GRIN2B: variants seen among roughly 807,000 people sequenced by gnomAD.
GRIN2B encodes the protein glutamate ionotropic receptor NMDA type subunit 2B, also known as glutamate receptor ionotropic, NMDA 2B.
GRIN2B carries 5 observed loss-of-function variants against 114.5 expected under a neutral mutation model. That is an observed-to-expected ratio of 0.04 (90% CI 0.02 to 0.09). The LOEUF (loss-of-function observed/expected upper bound fraction) is 0.09, where lower values mean the gene tolerates loss of function less well. GRIN2B is among the 10% of genes least tolerant of loss of function. The pLI is 1.00. For missense variants in GRIN2B, 1,108 were observed against 1,943.5 expected (o/e 0.57, Z 8.08); for synonymous variants, 787 against 745.1 (o/e 1.06, Z -0.92).
At chr12:13,938,406 C>T (rs796281123) in intron 2 of GRIN2B, among the ~76,000 whole-genome samples, 7 of 152,226 alleles carry the variant, frequency 4.6e-5, no homozygotes, top group African/African-American at 1.7e-4. Flanking sequence ...CATGATCCAG[C>T]AATTCTACTT....
chr12:13,568,734 C>T (rs1209375037), intron 12 of GRIN2B, among the ~76,000 whole-genome samples: 1 of 152,202 alleles, frequency 6.6e-6, no homozygotes, highest in Non-Finnish European at 1.5e-5. Context: ...GCTGCTCATC[C>T]ACAACTGAGT....
intron 4 of GRIN2B, among the ~76,000 whole-genome samples, chr12:13,741,278 C>G (rs1271354827): frequency 6.6e-6 from 1 of 152,140 alleles, no homozygotes; most frequent in African/African-American, 2.4e-5. Flanking sequence ...GATCCACCCA[C>G]CTTGGCCTTC....
chr12:13,876,165 A>G (rs1865988178), intron 2 of GRIN2B, among the ~76,000 whole-genome samples: 1 of 152,232 alleles, frequency 6.6e-6, no homozygotes, highest in Non-Finnish European at 1.5e-5. Context: ...CCTAAAGTCA[A>G]AAAGAGCTAG....
chr12:13,765,760 A>G (rs906830275), intron 3 of GRIN2B, among the ~76,000 whole-genome samples: 19 of 152,216 alleles, frequency 1.2e-4, no homozygotes, highest in Non-Finnish European at 2.2e-4. Context: ...ACCAACAGAG[A>G]AAGTGAGCTT....
At chr12:13,921,958 C>T (rs930242906) in intron 2 of GRIN2B, among the ~76,000 whole-genome samples, 2 of 152,120 alleles carry the variant, frequency 1.3e-5, no homozygotes, top group Non-Finnish European at 2.9e-5. Flanking sequence ...AAATATGCAA[C>T]CTTGACCAAG....
chr12:13,926,016 G>A (rs1866905116), intron 2 of GRIN2B, among the ~76,000 whole-genome samples: 1 of 152,138 alleles, frequency 6.6e-6, no homozygotes, highest in Non-Finnish European at 1.5e-5. Flanking sequence ...AATCAGAGGA[G>A]GCAATGGAAC....
At chr12:13,746,055 A>T (rs551932918) in intron 4 of GRIN2B, among the ~76,000 whole-genome samples, 1 of 151,440 alleles carries the variant, frequency 6.6e-6, no homozygotes, top group Non-Finnish European at 1.5e-5. Context: ...TAATTTATAC[A>T]GTATATCAGA....
rs1484887891 is a variant in GRIN2B at position 13,538,807 on chromosome 12, C to T, written c.*23976G>A. On this transcript the variant is annotated 3_prime_UTR_variant, in exon 14 of 14. Transcript: ENST00000609686. ...TCCAGCCTGGATGACAGAGCAAGAC[C>T]CTCTTAAAAAACAAACAAACAAAAA... The T allele has an allele frequency of 6.6e-6, 1 of 151,178 alleles. No homozygotes were observed. Among genetic ancestry groups the T allele is most frequent in the Non-Finnish European group, 1.5e-5 (1 of 67,786 alleles). 9.4% of individuals were successfully genotyped at this position (151,178 alleles called of 1,614,324 possible).
intron 3 of GRIN2B, among the ~76,000 whole-genome samples, chr12:13,806,683 G>T (rs949605307): frequency 2.6e-5 from 4 of 152,024 alleles, no homozygotes; most frequent in African/African-American, 9.7e-5. Flanking sequence ...TCTTCACTCT[G>T]TTGCTTGTTT....
intron 3 of GRIN2B, among the ~76,000 whole-genome samples, chr12:13,784,397 G>T (rs1463281223): frequency 6.6e-6 from 1 of 152,026 alleles, no homozygotes; most frequent in Non-Finnish European, 1.5e-5. Flanking sequence ...GGGCACAATA[G>T]CTCAATTTGA....
chr12:13,890,163 G>A (rs373703221), intron 2 of GRIN2B, among the ~76,000 whole-genome samples: 34 of 152,306 alleles, frequency 2.2e-4, no homozygotes, highest in African/African-American at 6.0e-4. Context: ...CATTCAGGAC[G>A]TTGTTTCAAC....
At chr12:13,713,871 G>C (rs944953532) in intron 4 of GRIN2B, among the ~76,000 whole-genome samples, 9 of 151,798 alleles carry the variant, frequency 5.9e-5, no homozygotes, top group African/African-American at 2.2e-4. Flanking sequence ...ACAATGCAGA[G>C]TGTTTAAGAT....
At chr12:13,616,700 A>G (rs199524594) in intron 5 of GRIN2B, 43 bp from the exon 6 acceptor site, 6 of 1,437,066 alleles carry the variant, frequency 4.2e-6, no homozygotes, top group African/African-American at 1.4e-5. Flanking sequence ...ACTGGCCACA[A>G]CATAACAAAC....
chr12:13,859,493 C>T (rs1261053055), intron 3 of GRIN2B, among the ~76,000 whole-genome samples: 2 of 152,210 alleles, frequency 1.3e-5, no homozygotes, highest in African/African-American at 4.8e-5. Context: ...AGCTACATCA[C>T]TACAAAGTTT....
chr12:13,806,257 G>C (rs1375870624), intron 3 of GRIN2B, among the ~76,000 whole-genome samples: 3 of 152,012 alleles, frequency 2.0e-5, no homozygotes, highest in Non-Finnish European at 2.9e-5. Context: ...GGATTGCTGG[G>C]GTCATTTGGT....
At chr12:13,976,521 A>G (rs948616246) in intron 2 of GRIN2B, among the ~76,000 whole-genome samples, 1 of 152,186 alleles carries the variant, frequency 6.6e-6, no homozygotes, top group African/African-American at 2.4e-5. Context: ...AATATTAAAG[A>G]CACAAGACTA....
rs555721063 is a variant in GRIN2B at position 13,552,396 on chromosome 12, T to A, written c.*10387A>T. Reference sequence around the variant, plus strand: ...AGCCAGTAACCAAGGGGGAACCATGTGCCTCACATGTCAGCTTCTGGCTTT... The same window carrying A: ...AGCCAGTAACCAAGGGGGAACCATGAGCCTCACATGTCAGCTTCTGGCTTT... On this transcript the variant is annotated 3_prime_UTR_variant, in exon 14 of 14. Coordinates refer to ENST00000609686, the MANE Select transcript of GRIN2B (RefSeq NM_000834.5). 6.6e-6 allele frequency: 1 copy of A among 152,330 alleles called. No individual in the cohort carries two copies. The highest frequency in any genetic ancestry group is 2.4e-5 in the African/African-American group (1 of 41,572). The allele number at this position is 152,330 out of a possible 1,614,324, so 9.4% of individuals were successfully genotyped here.
At chr12:13,674,759 T>C (rs7309380) in intron 5 of GRIN2B, among the ~76,000 whole-genome samples, 10,173 of 152,166 alleles carry the variant, frequency 0.067, 1,089 homozygotes, top group African/African-American at 0.22. Flanking sequence ...ATGAATATCA[T>C]GAACAAAGGG....
At chr12:13,931,868 C>T (rs909731100) in intron 2 of GRIN2B, among the ~76,000 whole-genome samples, 2 of 152,116 alleles carry the variant, frequency 1.3e-5, no homozygotes, top group African/African-American at 2.4e-5. Context: ...ACACTGTCCA[C>T]CACCTCCATA....
Sources: gnomAD v4.1 joint callset for allele counts (sites outside exome capture counted in the v4.1 genomes callset) on GRCh38, gnomAD v4.1.1 for gene constraint, MANE v1.5 for transcripts, NCBI Gene and HGNC (gene_info 2026-07-23, HGNC 2026-07-21) for gene names.